TAF15: variants seen among roughly 807,000 people sequenced by gnomAD.
The protein encoded by TAF15 is TATA-box binding protein associated factor 15.
TAF15 carries 37 observed loss-of-function variants against 102.5 expected under a neutral mutation model. That is an observed-to-expected ratio of 0.36 (90% confidence interval 0.28 to 0.47). The LOEUF (loss-of-function observed/expected upper bound fraction) is 0.47. Ranked by LOEUF, TAF15 falls within the 20% of genes least tolerant of loss-of-function variation. The pLI, the probability that TAF15 is intolerant of heterozygous loss-of-function variation, is 0.99. For synonymous variants in TAF15, 273 were observed against 259.2 expected, an observed-to-expected ratio of 1.05 and a Z score of -0.51; for missense variants, 652 against 760.7, an observed-to-expected ratio of 0.86 and a Z score of 1.68.
At chr17:35,834,745 T>TTTTTTTTTTTTTTTTTTTG (rs2087453006) in intron 9 of TAF15, 147 bp downstream of exon 9, 1 of 616,482 alleles carries the variant, frequency 1.6e-6, no homozygotes, top group Non-Finnish European at 2.6e-6. Context: ...TATTTCTTTT[T>TTTTTTTTTTTTTTTTTTTG]TTTTTTTTTT....
At chr17:35,828,691 T>A (rs1292131453) in intron 7 of TAF15, among the ~76,000 whole-genome samples, 2 of 151,862 alleles carry the variant, frequency 1.3e-5, no homozygotes, top group African/African-American at 4.8e-5. Flanking sequence ...TGATTGTGCT[T>A]ATGAATAGCC....
At chr17:35,845,093 G>A (rs982678673) in intron 15 of TAF15, 55 bp downstream of exon 15, 3 of 1,605,724 alleles carry the variant, frequency 1.9e-6, no homozygotes, top group Non-Finnish European at 1.7e-6. Context: ...CTAGATTGGG[G>A]GATTTGAACC....
At chr17:35,810,770 C>T (rs2087115670) in intron 1 of TAF15, 1 of 152,166 alleles carries the variant, frequency 6.6e-6, no homozygotes, top group Admixed American at 6.5e-5. Flanking sequence ...AAGCATCGAT[C>T]TGAGAAGACT....
chr17:35,819,686 T>A (rs192917590), intron 2 of TAF15, among the ~76,000 whole-genome samples: 158 of 152,342 alleles, frequency 1.0e-3, no homozygotes, highest in African/African-American at 3.7e-3. Flanking sequence ...AGGTATTTAT[T>A]ATAAGTCTTG....
At chr17:35,833,757 G>T in intron 7 of TAF15, 150 bp from the exon 8 acceptor site, 1 of 730,020 alleles carries the variant, frequency 1.4e-6, no homozygotes. Flanking sequence ...ACAACATTTA[G>T]AACTCTGTGA....
intron 1 of TAF15, chr17:35,809,837 T>G: frequency 1.4e-5 from 8 of 579,688 alleles, no homozygotes; most frequent in East Asian, 2.9e-5. Context: ...GACTTGCCGT[T>G]CCCGGGGGAG....
intron 6 of TAF15, 147 bp from the exon 7 acceptor site, chr17:35,823,928 AGAT>A (rs1455750523): frequency 1.0e-6 from 1 of 971,254 alleles, no homozygotes; most frequent in South Asian, 1.4e-5. Flanking sequence ...ATGTAATTCC[AGAT>A]GATTTTATGA....
At chr17:35,839,923 A>G (rs758195172) in intron 11 of TAF15, among the ~76,000 whole-genome samples, 1 of 152,154 alleles carries the variant, frequency 6.6e-6, no homozygotes, top group Non-Finnish European at 1.5e-5. Flanking sequence ...AGTAACTAAC[A>G]CTTACTGCAT....
At chr17:35,838,025 A>G (rs752966217) in intron 10 of TAF15, among the ~76,000 whole-genome samples, 1 of 140,958 alleles carries the variant, frequency 7.1e-6, no homozygotes, top group Non-Finnish European at 1.6e-5. Context: ...CCATCTCTAC[A>G]ACAACAAAAA....
chr17:35,843,996 T>TA, intron 12 of TAF15, 81 bp from the exon 13 acceptor site: 1 of 1,214,164 alleles, frequency 8.2e-7, no homozygotes, highest in East Asian at 2.3e-5. Flanking sequence ...GATGGGTATC[T>TA]ACTCTTATGT....
At chr17:35,814,552 A>T (rs570662342) in intron 1 of TAF15, among the ~76,000 whole-genome samples, 1 of 151,692 alleles carries the variant, frequency 6.6e-6, no homozygotes, top group Non-Finnish European at 1.5e-5. Context: ...ATAGGCCTAT[A>T]CTTTTGTGTG....
chr17:35,840,352 C>T lies in TAF15; in HGVS notation c.913+1799C>T, dbSNP rs546081506. ...CTTGAACCTCCGCCTCCTGGGTTCA[C>T]GCCATTCTCCTGCCTCAGCCTCCCG... On this transcript the variant is annotated intron_variant, in intron 11 of 15. Transcript: ENST00000605844. Among the ~76,000 whole-genome samples the T allele has an allele frequency of 1.5e-4, 22 of 149,070 alleles. 1 individual carries two copies. Among genetic ancestry groups the T allele is most frequent in the Middle Eastern group, 3.4e-3 (1 of 292 alleles).
chr17:35,820,170 T>C lies in TAF15; in HGVS notation c.106T>C (p.Ser36Pro). 1 of 1,614,116 alleles carries C rather than the reference T, an allele frequency of 6.2e-7. No homozygotes were observed. Among genetic ancestry groups the C allele is most frequent in the Non-Finnish European group, 8.5e-7 (1 of 1,179,966 alleles). The change falls in exon 4 of 16, where the codon TCT becomes CCT. Residue 36 changes from serine (S) to proline (P), a missense_variant. Ser to Pro is a moderately conservative substitution (Grantham distance 74). Around this residue, in one of 3 missense-constraint regions of TAF15, gnomAD observed 243 missense variants for 284.1 expected, o/e 0.86. Transcript: ENST00000605844. ...GTATTTACCTAAATTTCAGAGCTATTCTGGCTATGGGCAAACGACTGATTC... is the reference window on the plus strand; with the variant it reads ...GTATTTACCTAAATTTCAGAGCTATCCTGGCTATGGGCAAACGACTGATTC... ...QGYGQASQSY[S>P]GYGQTTDSSY... is the part of the protein sequence containing the mutation.
At chr17:35,828,824 A>C (rs1400248530) in intron 7 of TAF15, among the ~76,000 whole-genome samples, 1 of 151,996 alleles carries the variant, frequency 6.6e-6, no homozygotes, top group Non-Finnish European at 1.5e-5. Context: ...TTCATATTAA[A>C]ATTTAGAAAT....
At chr17:35,832,526 T>A (rs1486495549) in intron 7 of TAF15, among the ~76,000 whole-genome samples, 8 of 152,282 alleles carry the variant, frequency 5.3e-5, no homozygotes, top group Non-Finnish European at 5.9e-5. Context: ...TAGGGTAGGG[T>A]AATCACTAGA....
chr17:35,822,705 A>C lies in TAF15; in HGVS notation c.356A>C (p.Gln119Pro). ...GGTCAACAAGATTCATATGACCAGC[A>C]GTCAGGCTATGATCAACATCAAGGC... ...DYGQQDSYDQ[Q>P]SGYDQHQGSY... Residue 119 changes from glutamine (Q) to proline (P), a missense_variant, in exon 6 of 16, where the codon CAG becomes CCG. Gln to Pro is a moderately conservative substitution (Grantham distance 76). This residue lies in a region of TAF15 where 243 missense variants were observed against 284.1 expected (regional missense o/e 0.86). Transcript: ENST00000605844. 6.2e-7 allele frequency: 1 copy of C among 1,614,216 alleles called. No homozygotes were observed. Among genetic ancestry groups the C allele is most frequent in the East Asian group, 2.2e-5 (1 of 44,882 alleles).
At chr17:35,839,829 C>T (rs556394639) in intron 11 of TAF15, among the ~76,000 whole-genome samples, 18 of 152,094 alleles carry the variant, frequency 1.2e-4, no homozygotes, top group African/African-American at 4.3e-4. Context: ...AGAGTTTTGT[C>T]TTACGGTATT....
intron 11 of TAF15, among the ~76,000 whole-genome samples, chr17:35,839,546 T>A (rs1568275684): frequency 6.6e-6 from 1 of 151,894 alleles, no homozygotes; most frequent in Admixed American, 6.5e-5. Context: ...CACGCCCTGC[T>A]AATTTTTTTG....
At chr17:35,839,566 T>TA (rs1235154973) in intron 11 of TAF15, among the ~76,000 whole-genome samples, 1 of 151,840 alleles carries the variant, frequency 6.6e-6, no homozygotes, top group Non-Finnish European at 1.5e-5. Flanking sequence ...GTATTTTTAG[T>TA]AGAGACAGGG....
Sources: gnomAD v4.1 joint callset for allele counts (sites outside exome capture counted in the v4.1 genomes callset) on GRCh38, gnomAD v4.1.1 for gene constraint, gnomAD v4.1.1 regional missense constraint, MANE v1.5 for transcripts, NCBI Gene and HGNC (gene_info 2026-07-23, HGNC 2026-07-21) for gene names.